The following VPS9D1 variants were observed in gnomAD, a reference collection of about 807,000 sequenced individuals.
The protein encoded by VPS9D1 is VPS9 domain containing 1.
In VPS9D1, 78 loss-of-function variants were observed where a neutral mutation model predicts 75.8. The observed-to-expected ratio is 1.03, with a 90% CI of 0.86 to 1.24. The LOEUF (loss-of-function observed/expected upper bound fraction) is 1.24, where lower values mean the gene tolerates loss of function less well. Ranked by LOEUF, VPS9D1 falls within the 50% of genes most tolerant of loss-of-function variation. The probability of loss-of-function intolerance (pLI) is 0.00; values close to 1 mark genes in which losing one functional copy is unlikely to be tolerated. For missense variants in VPS9D1, 1,057 were observed against 847.7 expected (o/e 1.25, Z -3.07); for synonymous variants, 481 against 385.6 (o/e 1.25, Z -2.90).
At chr16:89,718,264 A>T (rs1242879432) in intron 2 of VPS9D1, 1 of 362,578 alleles carries the variant, frequency 2.8e-6, no homozygotes, top group Non-Finnish European at 5.5e-6. Context: ...TACTGCTCCC[A>T]TCCTGGGTGG....
intron 4 of VPS9D1, among the ~76,000 whole-genome samples, chr16:89,715,616 G>C (rs549687995): frequency 1.3e-5 from 2 of 151,078 alleles, no homozygotes; most frequent in Admixed American, 1.3e-4. Flanking sequence ...CAACCTGTCA[G>C]GCTCAAGTGA....
chr16:89,720,798 CG>C lies in VPS9D1; in HGVS notation c.63del (p.Asn21LysfsTer20). 6.8e-7 allele frequency: 1 copy of C among 1,460,898 alleles called. No homozygotes were observed. The highest frequency in any genetic ancestry group is 1.3e-5 in the South Asian group (1 of 75,406). 90.5% of individuals were successfully genotyped at this position (1,460,898 alleles called of 1,614,324 possible). ...TTGCCGGTGTCCAGCTCGATGGCCC[CG>C]TTGGCAAGCTTCATGGCGCTCTGCA... is the stretch of plus-strand genomic sequence containing the variant. ...KPLQSAMKLA[N>X]GAIELDTGNR... is the part of the protein sequence containing the mutation. On this transcript the variant is annotated frameshift_variant, in exon 1 of 15. Transcript: ENST00000389386. LOFTEE classifies it high-confidence loss of function.
chr16:89,712,556 C>T (rs776201695), intron 5 of VPS9D1, 34 bp from the exon 6 acceptor site: 117 of 1,609,836 alleles, frequency 7.3e-5, no homozygotes, highest in Non-Finnish European at 9.4e-5. Flanking sequence ...GCCGACTCCC[C>T]TCTGCCCCGC....
At position 89,719,117 on chromosome 16, in the gene VPS9D1, G is replaced by A. The variant is rs1567555059; in HGVS notation, c.100-15C>T. 3 of 1,612,552 alleles carry A rather than the reference G, an allele frequency of 1.9e-6. No individual in the cohort carries two copies. Among genetic ancestry groups the A allele is most frequent in the South Asian group, 2.2e-5 (2 of 91,058 alleles). On this transcript the variant is annotated splice_polypyrimidine_tract_variant and intron_variant, in intron 1 of 14. Transcript: ENST00000389386. ...GTGTATGCCTCCTGTGTCCAGGAAA[G>A]AGAAAGAGTGGGGTCAGGCCAGTGG... is the stretch of plus-strand genomic sequence containing the variant.
chr16:89,718,170 C>T (rs1170565949), intron 2 of VPS9D1: 1 of 413,020 alleles, frequency 2.4e-6, no homozygotes. Context: ...ACTTGCTATT[C>T]CTCTCCTTGC....
chr16:89,709,078 G>A (rs1196651646), intron 12 of VPS9D1, 122 bp from the exon 13 acceptor site: 1 of 1,318,988 alleles, frequency 7.6e-7, no homozygotes, highest in Non-Finnish European at 1.0e-6. Context: ...CGGTGACCCT[G>A]GCGATGTTGC....
At chr16:89,709,998 A>G in intron 10 of VPS9D1, 92 bp from the exon 11 acceptor site, 2 of 1,489,594 alleles carry the variant, frequency 1.3e-6, no homozygotes, top group Non-Finnish European at 8.9e-7. Context: ...CGCCCAAGAA[A>G]CCTCTTTCCA....
chr16:89,711,189 C>A, intron 9 of VPS9D1, 138 bp downstream of exon 9: 1 of 1,172,276 alleles, frequency 8.5e-7, no homozygotes, highest in Non-Finnish European at 1.2e-6. Context: ...ACGCCCTCAG[C>A]GCAAAGGGAG....
chr16:89,712,410 G>T (rs778602166), intron 6 of VPS9D1, 50 bp downstream of exon 6: 1 of 1,608,292 alleles, frequency 6.2e-7, no homozygotes, highest in Non-Finnish European at 8.5e-7. Context: ...TTGGCTCAAG[G>T]CCACACTGAG....
At chr16:89,711,078 C>T (rs1489669469) in intron 9 of VPS9D1, 68 bp from the exon 10 acceptor site, 16 of 1,397,862 alleles carry the variant, frequency 1.1e-5, no homozygotes, top group Non-Finnish European at 1.5e-5. Context: ...AGGTGCCGCG[C>T]TATGCCCGGT....
At chr16:89,719,503 GATT>G (rs2061184632) in intron 1 of VPS9D1, 17 of 375,038 alleles carry the variant, frequency 4.5e-5, no homozygotes, top group Admixed American at 1.0e-4. Context: ...ACTCAAGGGT[GATT>G]CATTCAGTGG....
rs1271261736 is a variant in VPS9D1 at position 89,708,761 on chromosome 16, G to A, written c.1697+96C>T. 18 of 1,305,988 alleles carry A rather than the reference G, an allele frequency of 1.4e-5. No homozygotes were observed. In the East Asian group the frequency reaches 4.0e-4, roughly 29 times the overall value. 80.9% of individuals were successfully genotyped at this position (1,305,988 alleles called of 1,614,324 possible). Reference sequence around the variant, plus strand: ...CCTGCTTCTACAGTGCAGCCAGCTGGCACAAGGCTAAGGGGCAGGAAGATA... The same window carrying A: ...CCTGCTTCTACAGTGCAGCCAGCTGACACAAGGCTAAGGGGCAGGAAGATA... On this transcript the variant is annotated intron_variant, in intron 13 of 14. Coordinates refer to ENST00000389386, the MANE Select transcript of VPS9D1 (RefSeq NM_004913.3).
intron 1 of VPS9D1, 98 bp downstream of exon 1, chr16:89,720,665 G>C: frequency 2.4e-6 from 3 of 1,244,328 alleles, no homozygotes; most frequent in East Asian, 3.4e-5. Flanking sequence ...CCGCTCCCAA[G>C]TCTCCAGCCC....
rs1052705449 is a variant in VPS9D1 at position 89,720,887 on chromosome 16, G to T, written c.-26C>A. On this transcript the variant is annotated 5_prime_UTR_variant, in exon 1 of 15. Coordinates refer to ENST00000389386, the MANE Select transcript of VPS9D1 (RefSeq NM_004913.3). ...GGCGCCGAGCGGGGGAGGCGGCGGCGGTAGCCGAGGGGCTGGACGGGCGAC... is the reference window on the plus strand; with the variant it reads ...GGCGCCGAGCGGGGGAGGCGGCGGCTGTAGCCGAGGGGCTGGACGGGCGAC... 7.5e-7 allele frequency: 1 copy of T among 1,333,886 alleles called. No individual in the cohort carries two copies. Among genetic ancestry groups the T allele is most frequent in the South Asian group, 1.9e-5 (1 of 52,780 alleles). The allele number at this position is 1,333,886 out of a possible 1,614,324, so 82.6% of individuals were successfully genotyped here.
chr16:89,708,854 C>T lies in VPS9D1; in HGVS notation c.1697+3G>A. Reference sequence around the variant, plus strand: ...GGCCACACCTCGCCCTCCTGGGACTCACATGGCAGCTGCAGCGATGGGCGG... The same window carrying T: ...GGCCACACCTCGCCCTCCTGGGACTTACATGGCAGCTGCAGCGATGGGCGG... On this transcript the variant is annotated splice_donor_region_variant and intron_variant, in intron 13 of 14. Transcript: ENST00000389386. The T allele has an allele frequency of 6.3e-7, 1 of 1,578,660 alleles. No individual in the cohort carries two copies. The highest frequency in any genetic ancestry group is 8.5e-7 in the Non-Finnish European group (1 of 1,169,712).
chr16:89,716,962 C>T lies in VPS9D1; in HGVS notation c.176-140G>A, dbSNP rs568752095. Reference sequence around the variant, plus strand: ...CACTGACCCCGGGCAAGCCCACTGCCCCCCCATCCCCTCACTGACCCTGGG... The same window carrying T: ...CACTGACCCCGGGCAAGCCCACTGCTCCCCCATCCCCTCACTGACCCTGGG... On this transcript the variant is annotated intron_variant, in intron 2 of 14. Transcript: ENST00000389386. 3,187 of 654,350 alleles carry T rather than the reference C, an allele frequency of 4.9e-3. 14 individuals are homozygous for T. Among genetic ancestry groups the T allele is most frequent in the Non-Finnish European group, 6.4e-3 (2,761 of 433,050 alleles). 40.5% of individuals were successfully genotyped at this position (654,350 alleles called of 1,614,324 possible).
chr16:89,713,505 C>T (rs1016134183), intron 4 of VPS9D1, among the ~76,000 whole-genome samples: 9 of 151,858 alleles, frequency 5.9e-5, no homozygotes, highest in South Asian at 4.2e-4. Context: ...CCACCCGCCT[C>T]GGCCTCCCAA....
Position 89,712,140 on chromosome 16 carries a change from G to A in VPS9D1, c.607-41C>T, listed in dbSNP as rs551328970. The A allele has an allele frequency of 2.6e-4, 402 of 1,547,678 alleles. 2 individuals are homozygous for A. The African/African-American group carries it at 4.9e-3, about 19-fold the overall frequency. On this transcript the variant is annotated intron_variant, in intron 6 of 14. Coordinates refer to ENST00000389386, the MANE Select transcript of VPS9D1 (RefSeq NM_004913.3). ...AGGGGCCGAGCGTGGGATCTGAGCG[G>A]GCCCTCGGTTCCCAACCCCGTCCCA...
chr16:89,713,617 T>C (rs1367558761), intron 4 of VPS9D1, among the ~76,000 whole-genome samples: 2 of 152,152 alleles, frequency 1.3e-5, no homozygotes, highest in Admixed American at 6.5e-5. Flanking sequence ...TTATATGTGT[T>C]TGGCAACAGT....
Sources: allele counts gnomAD v4.1 joint callset (sites outside exome capture counted in the v4.1 genomes callset), GRCh38; gene constraint gnomAD v4.1.1; transcripts MANE v1.5; gene names NCBI Gene and HGNC (gene_info 2026-07-23, HGNC 2026-07-21).